LY96: variants seen among roughly 807,000 people sequenced by gnomAD.
LY96 encodes the protein myeloid differentiation protein-2.
In LY96, 18 loss-of-function variants were observed where a neutral mutation model predicts 18.9. The ratio of observed to expected loss-of-function variants is 0.95; its 90% CI spans 0.66 to 1.41. The LOEUF (loss-of-function observed/expected upper bound fraction) is 1.41. Ranked by LOEUF, LY96 falls within the 40% of genes most tolerant of loss-of-function variation. LY96 has a pLI of 0.00. For synonymous variants in LY96, 66 were observed against 62.6 expected (o/e 1.06, Z -0.26); for missense variants, 175 against 182.4 (o/e 0.96, Z 0.23).
the LY96 span, among the ~76,000 whole-genome samples, chr8:74,066,628 GT>G: frequency 3.3e-5 from 5 of 152,298 alleles, no homozygotes; most frequent in Middle Eastern, 6.8e-3. Flanking sequence ...TTGAGGATTT[GT>G]GCTTTAACCT....
At chr8:74,032,550 A>G (rs978895589), downstream of LY96, among the ~76,000 whole-genome samples, 5 of 151,982 alleles carry the variant, frequency 3.3e-5, no homozygotes, top group African/African-American at 1.2e-4. Context: ...ACCCCCTTAG[A>G]GTTGTAAGCC....
At chr8:74,018,756 A>G (rs1816696611) in intron 3 of LY96, among the ~76,000 whole-genome samples, 1 of 152,362 alleles carries the variant, frequency 6.6e-6, no homozygotes, top group African/African-American at 2.4e-5. Flanking sequence ...ATTAGAACTC[A>G]GGATTAAGAA....
chr8:74,064,658 C>T, the LY96 span, among the ~76,000 whole-genome samples: 13 of 152,240 alleles, frequency 8.5e-5, no homozygotes, highest in African/African-American at 2.6e-4. Flanking sequence ...ATGGTGGTGC[C>T]AGGCTTCCTA....
At chr8:74,027,423 A>G (rs557467488) in intron 4 of LY96, among the ~76,000 whole-genome samples, 2 of 150,932 alleles carry the variant, frequency 1.3e-5, no homozygotes, top group African/African-American at 2.4e-5. Context: ...CTGTGCCTCA[A>G]CCACCCGAGT....
the LY96 span, among the ~76,000 whole-genome samples, chr8:74,052,928 G>T: frequency 6.6e-6 from 1 of 152,170 alleles, no homozygotes; most frequent in Non-Finnish European, 1.5e-5. Flanking sequence ...TCTGATTTTT[G>T]AAAAGAAGGG....
chr8:73,993,019 T>C, intron 1 of LY96, among the ~76,000 whole-genome samples: 1 of 150,848 alleles, frequency 6.6e-6, no homozygotes, highest in African/African-American at 2.5e-5. Flanking sequence ...CACACCCGGC[T>C]AATTTTTTTT....
At chr8:74,047,108 G>T in the LY96 span, among the ~76,000 whole-genome samples, 37,115 of 151,886 alleles carry the variant, frequency 0.24, 5,166 homozygotes, top group African/African-American at 0.38. Flanking sequence ...CACCATGTTG[G>T]CCAGGCTGGT....
chr8:74,064,922 T>A, the LY96 span, among the ~76,000 whole-genome samples: 1 of 152,276 alleles, frequency 6.6e-6, no homozygotes, highest in Non-Finnish European at 1.5e-5. Context: ...GTGTGAAGGA[T>A]AAGAACTCAT....
Position 74,001,166 on chromosome 8 carries a change from A to C in LY96, c.113-3630A>C, listed in dbSNP as rs144371817. ...ATTGAATCACATATAACAACTCTAC[A>C]CTTTAGGAGTTGGAGACCAGTCTGG... On this transcript the variant is annotated intron_variant, in intron 1 of 4. Coordinates refer to ENST00000284818, the MANE Select transcript of LY96 (RefSeq NM_015364.5). 6.6e-5 allele frequency among the ~76,000 whole-genome samples: 10 copies of C among 151,274 alleles called. No homozygotes were observed. In the East Asian group the frequency reaches 1.9e-3, roughly 29 times the overall value.
At chr8:74,078,743 T>A in the LY96 span, among the ~76,000 whole-genome samples, 1 of 152,304 alleles carries the variant, frequency 6.6e-6, no homozygotes, top group African/African-American at 2.4e-5. Flanking sequence ...AGGCCTGGGA[T>A]GGCCCTTTCT....
chr8:74,060,574 C>T, the LY96 span, among the ~76,000 whole-genome samples: 13 of 152,172 alleles, frequency 8.5e-5, no homozygotes, highest in African/African-American at 2.2e-4. Context: ...AATAGGTGTT[C>T]GATAAATATA....
At chr8:74,054,173 T>G in the LY96 span, among the ~76,000 whole-genome samples, 1 of 152,088 alleles carries the variant, frequency 6.6e-6, no homozygotes, top group East Asian at 1.9e-4. Flanking sequence ...GCCACAGGTG[T>G]GTGTCACCAT....
At chr8:74,055,580 T>A in the LY96 span, among the ~76,000 whole-genome samples, 4 of 152,112 alleles carry the variant, frequency 2.6e-5, no homozygotes, top group African/African-American at 9.7e-5. Context: ...GATACCCACA[T>A]CCTAAGCCTA....
chr8:74,014,104 G>A (rs1385415036), intron 3 of LY96, among the ~76,000 whole-genome samples: 3 of 151,970 alleles, frequency 2.0e-5, no homozygotes, highest in African/African-American at 7.3e-5. Flanking sequence ...AGACAGAATA[G>A]GCAGGATACA....
intron 3 of LY96, among the ~76,000 whole-genome samples, chr8:74,013,317 TTCA>T (rs1206328304): frequency 6.6e-6 from 1 of 152,040 alleles, no homozygotes; most frequent in Non-Finnish European, 1.5e-5. Flanking sequence ...GAGACAGGTT[TTCA>T]TCATGTTAGC....
the LY96 span, among the ~76,000 whole-genome samples, chr8:74,044,895 T>A: frequency 6.6e-6 from 1 of 152,242 alleles, no homozygotes; most frequent in South Asian, 2.1e-4. Context: ...TTATTCTCTA[T>A]GAAAGAAACT....
the LY96 span, among the ~76,000 whole-genome samples, chr8:74,076,850 A>G: frequency 2.0e-5 from 3 of 152,116 alleles, no homozygotes; most frequent in African/African-American, 7.2e-5. Flanking sequence ...TTCTGAGACT[A>G]TCTACCTGAA....
At chr8:74,060,155 A>G in the LY96 span, among the ~76,000 whole-genome samples, 1 of 151,244 alleles carries the variant, frequency 6.6e-6, no homozygotes, top group East Asian at 1.9e-4. Context: ...TCAAACAACA[A>G]CAACGACGAC....
chr8:74,060,547 C>T, the LY96 span, among the ~76,000 whole-genome samples: 2 of 152,210 alleles, frequency 1.3e-5, no homozygotes, highest in African/African-American at 4.8e-5. Context: ...ACTTTTGAGT[C>T]TCAGCTTCTT....
Sources: allele counts gnomAD v4.1 joint callset (sites outside exome capture counted in the v4.1 genomes callset), GRCh38; gene constraint gnomAD v4.1.1; transcripts MANE v1.5; gene names NCBI Gene and HGNC (gene_info 2026-07-23, HGNC 2026-07-21).